ANKRD11: variants seen among roughly 807,000 people sequenced by gnomAD.
ANKRD11 encodes the protein ankyrin repeat domain 11, also known as ankyrin repeat domain-containing protein 11.
ANKRD11 carries 17 observed loss-of-function variants against 195.7 expected under a neutral mutation model. The ratio of observed to expected loss-of-function variants is 0.09; its 90% CI spans 0.06 to 0.13. ANKRD11 has a LOEUF of 0.13. Among genes scored for constraint, ANKRD11 ranks in the 10% least tolerant of loss-of-function variants. ANKRD11 has a pLI of 1.00. For missense variants in ANKRD11, 3,735 were observed against 3,566.1 expected (o/e 1.05, Z -1.21); for synonymous variants, 1,953 against 1,528.1 (o/e 1.28, Z -6.49).
chr16:89,274,488 C>T (rs1255410469), intron 11 of ANKRD11, among the ~76,000 whole-genome samples: 1 of 152,140 alleles, frequency 6.6e-6, no homozygotes, highest in African/African-American at 2.4e-5. Flanking sequence ...GAAAATAATG[C>T]CAGCGCTGAC....
chr16:89,286,549 G>T, intron 7 of ANKRD11: 1 of 687,420 alleles, frequency 1.5e-6, no homozygotes, highest in Non-Finnish European at 2.1e-6. Context: ...CCAACAGTGA[G>T]CTCCTCAGCA....
chr16:89,444,164 C>G (rs995998680), intron 1 of ANKRD11, among the ~76,000 whole-genome samples: 1 of 152,002 alleles, frequency 6.6e-6, no homozygotes, highest in Non-Finnish European at 1.5e-5. Context: ...ACTAGTAAGA[C>G]TCAAAACAGG....
chr16:89,345,933 C>CT (rs1258097718), intron 2 of ANKRD11, among the ~76,000 whole-genome samples: 1 of 152,122 alleles, frequency 6.6e-6, no homozygotes, highest in African/African-American at 2.4e-5. Flanking sequence ...ATAAAAGCCT[C>CT]TGAGTAAAGA....
rs1337722125 is a variant in ANKRD11, at chr16:89,291,556, TTCAATACAC to T, written c.227-382_227-374del. 4 of 762,842 alleles carry T rather than the reference TTCAATACAC, an allele frequency of 5.2e-6. No individual in the cohort carries two copies. The highest frequency in any genetic ancestry group is 8.0e-6 in the Non-Finnish European group (4 of 499,570). The allele number at this position is 762,842 out of a possible 1,614,324, so 47.3% of individuals were successfully genotyped here. A position where few individuals can be genotyped will look rare whatever the true frequency, so the allele number is the denominator to read the frequency against. ...CTGGCTCACACAGGACAGGTCTCTG[TTCAATACAC>T]GTGTCTGTAATTCAATTCCACCTTC... On this transcript the variant is annotated intron_variant, in intron 4 of 12. Transcript: ENST00000301030. This position sits in a 1 kb window ranked among gnomAD's most constrained non-coding sequence, Gnocchi z 5.3.
At chr16:89,440,683 G>A (rs1361348640) in intron 1 of ANKRD11, among the ~76,000 whole-genome samples, 1 of 152,084 alleles carries the variant, frequency 6.6e-6, no homozygotes, top group Non-Finnish European at 1.5e-5. Context: ...ACAAACTAAG[G>A]GCCCCAAAAA....
At chr16:89,353,589 T>C (rs1276991425) in intron 2 of ANKRD11, among the ~76,000 whole-genome samples, 2 of 151,910 alleles carry the variant, frequency 1.3e-5, no homozygotes, top group East Asian at 3.9e-4. Context: ...GCAATTCTCC[T>C]GCCTCAGCCT....
At chr16:89,489,074 G>C in intron 1 of ANKRD11, 1 of 152,012 alleles carries the variant, frequency 6.6e-6, no homozygotes, top group Non-Finnish European at 1.5e-5. Context: ...AATCTTAATG[G>C]GGCACCAGGA....
chr16:89,294,638 A>C lies in ANKRD11; in HGVS notation c.227-3455T>G, dbSNP rs115399953. ...CATGTGCCACAGCCCATGGCTCAAC[A>C]ATGCCTGCTCTCCATTCCAACCCAG... On this transcript the variant is annotated intron_variant, in intron 4 of 12. Coordinates refer to ENST00000301030, the MANE Select transcript of ANKRD11 (RefSeq NM_013275.6). Among the ~76,000 whole-genome samples the C allele has an allele frequency of 7.7e-3, 1,167 of 152,248 alleles. 14 individuals are homozygous for C. Among genetic ancestry groups the C allele is most frequent in the African/African-American group, 0.026 (1,090 of 41,544 alleles).
At chr16:89,313,264 C>G in intron 3 of ANKRD11, 14 of 1,266,610 alleles carry the variant, frequency 1.1e-5, no homozygotes, top group Non-Finnish European at 1.4e-5. Flanking sequence ...GGGGTGGGGA[C>G]GACAGGGGAC....
At chr16:89,451,493 A>T (rs376726094) in intron 1 of ANKRD11, among the ~76,000 whole-genome samples, 1 of 146,622 alleles carries the variant, frequency 6.8e-6, no homozygotes, top group African/African-American at 2.5e-5. Context: ...CTCACTGCAG[A>T]CTCCGCCTCC....
At chr16:89,356,751 A>G (rs1396839738) in intron 2 of ANKRD11, among the ~76,000 whole-genome samples, 1 of 146,920 alleles carries the variant, frequency 6.8e-6, no homozygotes, top group Non-Finnish European at 1.5e-5. Flanking sequence ...ACTGCACTCT[A>G]GCCTGGGCGA....
At chr16:89,379,111 A>C in intron 2 of ANKRD11, among the ~76,000 whole-genome samples, 1 of 152,216 alleles carries the variant, frequency 6.6e-6, no homozygotes, top group Non-Finnish European at 1.5e-5. Flanking sequence ...AGCCCCAGGA[A>C]GGCCTTTCTC....
At position 89,346,105 on chromosome 16, in the gene ANKRD11, C is replaced by T. The variant is rs185484331; in HGVS notation, c.-59-29027G>A. ...AACAACACAAAAAAAAAAAATTAGCCGGGCGTGGTGCCGGGCGCTTGTAAT... is the reference window on the plus strand; with the variant it reads ...AACAACACAAAAAAAAAAAATTAGCTGGGCGTGGTGCCGGGCGCTTGTAAT... On this transcript the variant is annotated intron_variant, in intron 2 of 12. Transcript: ENST00000301030. Among the ~76,000 whole-genome samples the T allele has an allele frequency of 1.6e-4, 25 of 151,902 alleles. No homozygotes were observed. The East Asian group carries it at 4.6e-3, about 28-fold the overall frequency.
At chr16:89,405,589 C>G (rs557604042) in intron 2 of ANKRD11, among the ~76,000 whole-genome samples, 1 of 151,912 alleles carries the variant, frequency 6.6e-6, no homozygotes, top group Non-Finnish European at 1.5e-5. Context: ...CCGCCTCAGC[C>G]TCCCAAAGTG....
chr16:89,390,578 A>C (rs1189739040), intron 2 of ANKRD11, among the ~76,000 whole-genome samples: 1 of 152,226 alleles, frequency 6.6e-6, no homozygotes, highest in Non-Finnish European at 1.5e-5. Context: ...CAAAACATGG[A>C]GAACCTGACC....
In ANKRD11 at chr16:89,267,758, G is replaced by C. The variant is rs1276165253; in HGVS notation, c.*720C>G. 2.0e-5 allele frequency: 3 copies of C among 152,110 alleles called. No individual in the cohort carries two copies. The highest frequency in any genetic ancestry group is 4.4e-5 in the Non-Finnish European group (3 of 68,032). The allele number at this position is 152,110 out of a possible 1,614,324, so 9.4% of individuals were successfully genotyped here. ...GAAGGCAGCAAAAGTACATTGTGAA[G>C]GTATATAAAACTGTACAGCGTTTAC... On this transcript the variant is annotated 3_prime_UTR_variant, in exon 13 of 13. Coordinates refer to ENST00000301030, the MANE Select transcript of ANKRD11 (RefSeq NM_013275.6).
At chr16:89,395,788 C>G (rs182562105) in intron 2 of ANKRD11, 231 of 152,340 alleles carry the variant, frequency 1.5e-3, no homozygotes, top group African/African-American at 5.4e-3. Context: ...TGCTTAATAA[C>G]AATGCCTTCT....
At chr16:89,367,440 C>T (rs2152071897) in intron 2 of ANKRD11, among the ~76,000 whole-genome samples, 1 of 152,260 alleles carries the variant, frequency 6.6e-6, no homozygotes, top group South Asian at 2.1e-4. Flanking sequence ...GAGACGCTCT[C>T]AAACGACCGG....
intron 2 of ANKRD11, among the ~76,000 whole-genome samples, chr16:89,413,595 A>G (rs913956523): frequency 1.3e-5 from 2 of 152,234 alleles, no homozygotes; most frequent in African/African-American, 4.8e-5. Context: ...ACTGCACTCC[A>G]GCCTGGGCGA....
Sources: gnomAD v4.1 joint callset for allele counts (sites outside exome capture counted in the v4.1 genomes callset) on GRCh38, gnomAD v4.1.1 for gene constraint, Gnocchi (gnomAD v3.1) non-coding constraint, MANE v1.5 for transcripts, NCBI Gene and HGNC (gene_info 2026-07-23, HGNC 2026-07-21) for gene names.